Variants in GPC5 observed in about 807,000 individuals in gnomAD.
GPC5 encodes the protein glypican-5.
A neutral mutation model predicts 53.9 loss-of-function variants in GPC5; 47 were observed. The ratio of observed to expected loss-of-function variants is 0.87; its 90% CI spans 0.69 to 1.11. GPC5 has a LOEUF of 1.11. GPC5 is among the 50% of genes most tolerant of loss of function. GPC5 has a pLI of 0.00. For missense variants in GPC5, 748 were observed against 713.1 expected (o/e 1.05, Z -0.56); for synonymous variants, 286 against 263.3 (o/e 1.09, Z -0.84).
chr13:91,827,878 C>G (rs1479398471), intron 5 of GPC5, among the ~76,000 whole-genome samples: 3 of 151,930 alleles, frequency 2.0e-5, no homozygotes, highest in Admixed American at 6.6e-5. Flanking sequence ...CATATAAAGA[C>G]TTGTTTATAC....
At chr13:92,317,516 C>G (rs181481296) in intron 7 of GPC5, among the ~76,000 whole-genome samples, 2 of 151,668 alleles carry the variant, frequency 1.3e-5, no homozygotes, top group Non-Finnish European at 2.9e-5. Context: ...GTTTTTGAGA[C>G]GCAATCTCAC....
chr13:92,750,910 T>C (rs1022690009), intron 7 of GPC5, among the ~76,000 whole-genome samples: 5 of 152,114 alleles, frequency 3.3e-5, no homozygotes, highest in Middle Eastern at 3.2e-3. Flanking sequence ...TCCATAACAC[T>C]CCCACACTAA....
intron 5 of GPC5, among the ~76,000 whole-genome samples, chr13:91,900,298 T>G (rs1384842569): frequency 6.6e-6 from 1 of 152,160 alleles, no homozygotes; most frequent in African/African-American, 2.4e-5. Context: ...AGTACTCAGA[T>G]AACAGTTTTC....
At chr13:91,896,294 T>C (rs1158537600) in intron 5 of GPC5, among the ~76,000 whole-genome samples, 13 of 152,020 alleles carry the variant, frequency 8.6e-5, no homozygotes, top group Admixed American at 7.2e-4. Context: ...TAACTTTTTG[T>C]ATTTTTAGTA....
intron 2 of GPC5, among the ~76,000 whole-genome samples, chr13:91,683,642 C>A (rs1389707012): frequency 1.3e-5 from 2 of 152,172 alleles, no homozygotes; most frequent in Non-Finnish European, 2.9e-5. Flanking sequence ...CTTCACTTGA[C>A]ATTATTCTTG....
intron 7 of GPC5, among the ~76,000 whole-genome samples, chr13:92,421,907 C>G (rs182695015): frequency 6.6e-6 from 1 of 152,036 alleles, no homozygotes; most frequent in East Asian, 1.9e-4. Flanking sequence ...GATAACAGCA[C>G]TGTCTCTCTT....
intron 7 of GPC5, among the ~76,000 whole-genome samples, chr13:92,153,236 C>T (rs1222895505): frequency 6.6e-6 from 1 of 152,160 alleles, no homozygotes; most frequent in Non-Finnish European, 1.5e-5. Context: ...GGGTTCAATT[C>T]TCATGCCTCA....
chr13:92,356,757 T>C (rs1286669394), intron 7 of GPC5, among the ~76,000 whole-genome samples: 1 of 152,198 alleles, frequency 6.6e-6, no homozygotes, highest in African/African-American at 2.4e-5. Flanking sequence ...GTTACGTAGG[T>C]AAACTTGTAG....
intron 7 of GPC5, among the ~76,000 whole-genome samples, chr13:92,505,551 T>C (rs1298345289): frequency 6.6e-6 from 1 of 152,078 alleles, no homozygotes; most frequent in African/African-American, 2.4e-5. Context: ...AGGTGGTTGG[T>C]AGTTTCATGT....
intron 7 of GPC5, among the ~76,000 whole-genome samples, chr13:92,552,984 ACT>A (rs1882369339): frequency 6.6e-6 from 1 of 151,746 alleles, no homozygotes; most frequent in African/African-American, 2.4e-5. Context: ...TTTATTTATG[ACT>A]GTTTTGATTA....
chr13:92,543,492 T>G (rs1053226997), intron 7 of GPC5, among the ~76,000 whole-genome samples: 1 of 152,048 alleles, frequency 6.6e-6, no homozygotes, highest in African/African-American at 2.4e-5. Flanking sequence ...AGGTACTAGT[T>G]TCTCAGAAAG....
At chr13:92,159,639 G>A (rs1457408673) in intron 7 of GPC5, among the ~76,000 whole-genome samples, 4 of 114,616 alleles carry the variant, frequency 3.5e-5, no homozygotes, top group African/African-American at 1.0e-4. Flanking sequence ...GTGTCGCTCC[G>A]TCGCCCAGGC....
chr13:92,003,325 CAAA>C (rs57075719), intron 6 of GPC5, among the ~76,000 whole-genome samples: 92 of 100,146 alleles, frequency 9.2e-4, no homozygotes, highest in African/African-American at 2.8e-3. Flanking sequence ...TGTCTTAACA[CAAA>C]AAAAAAAAAA....
chr13:92,513,746 C>A (rs1880667087), intron 7 of GPC5, among the ~76,000 whole-genome samples: 2 of 151,952 alleles, frequency 1.3e-5, no homozygotes, highest in Non-Finnish European at 2.9e-5. Flanking sequence ...GGGTTCGGAT[C>A]CAAGTCTAAA....
At chr13:92,240,317 A>G (rs866213297) in intron 7 of GPC5, 1 of 152,060 alleles carries the variant, frequency 6.6e-6, no homozygotes, top group African/African-American at 2.4e-5. Context: ...AAATATTCCA[A>G]TAATATATTA....
At chr13:92,384,197 T>C (rs188989517) in intron 7 of GPC5, among the ~76,000 whole-genome samples, 1 of 152,038 alleles carries the variant, frequency 6.6e-6, no homozygotes, top group African/African-American at 2.4e-5. Context: ...ATTGGTAACT[T>C]GGCCAAGTCT....
intron 6 of GPC5, among the ~76,000 whole-genome samples, chr13:91,957,932 G>T (rs745911923): frequency 1.3e-5 from 2 of 151,688 alleles, no homozygotes. Flanking sequence ...GATTACCAAA[G>T]CACAATGATA....
At chr13:91,399,570 C>G (rs59679236) in intron 1 of GPC5, among the ~76,000 whole-genome samples, 3,247 of 152,256 alleles carry the variant, frequency 0.021, 120 homozygotes, top group African/African-American at 0.073. Context: ...AGTGCCCCAC[C>G]GGGGATTTCG....
chr13:92,654,487 T>C (rs1236837660), intron 7 of GPC5, among the ~76,000 whole-genome samples: 1 of 149,998 alleles, frequency 6.7e-6, no homozygotes, highest in Non-Finnish European at 1.5e-5. Flanking sequence ...AGTGCTGATA[T>C]AGGATGACCA....
Sources: gnomAD v4.1 joint callset for allele counts (sites outside exome capture counted in the v4.1 genomes callset) on GRCh38, gnomAD v4.1.1 for gene constraint, MANE v1.5 for transcripts, NCBI Gene and HGNC (gene_info 2026-07-23, HGNC 2026-07-21) for gene names.